MYOM2: variants seen among roughly 807,000 people sequenced by gnomAD.
The protein encoded by MYOM2 is myomesin-2.
MYOM2 carries 254 observed loss-of-function variants against 187.6 expected under a neutral mutation model. That is an observed-to-expected ratio of 1.35 (90% CI 1.22 to 1.50). The LOEUF (loss-of-function observed/expected upper bound fraction) is 1.50. MYOM2 is among the 40% of genes most tolerant of loss of function. The pLI, the probability that MYOM2 is intolerant of heterozygous loss-of-function variation, is 0.00. For missense variants in MYOM2, 2,796 were observed against 1,924.0 expected, an observed-to-expected ratio of 1.45 and a Z score of -8.48; for synonymous variants, 981 against 753.8, an observed-to-expected ratio of 1.30 and a Z score of -4.94.
rs570420669 is a variant in MYOM2, at chr8:2,078,194, A to G, written c.1263-540A>G. 1.2e-3 allele frequency among the ~76,000 whole-genome samples: 179 copies of G among 152,364 alleles called. 1 individual carries two copies. The highest frequency in any genetic ancestry group is 4.2e-3 in the African/African-American group (174 of 41,582). ...TTTTCAAAAGACTTCTAAATTCCACATGAGAGGCATTCTAGAAAGAAATGT... is the reference window on the plus strand; with the variant it reads ...TTTTCAAAAGACTTCTAAATTCCACGTGAGAGGCATTCTAGAAAGAAATGT... On this transcript the variant is annotated intron_variant, in intron 11 of 36. Coordinates refer to ENST00000262113, the MANE Select transcript of MYOM2 (RefSeq NM_003970.4).
intron 25 of MYOM2, among the ~76,000 whole-genome samples, chr8:2,111,163 G>T (rs1797057079): frequency 1.3e-5 from 2 of 152,138 alleles, no homozygotes; most frequent in South Asian, 4.2e-4. Context: ...TTTCAGGATG[G>T]GTGCCCTGGC....
intron 14 of MYOM2, among the ~76,000 whole-genome samples, chr8:2,085,655 TCGTGATCTCTGCGTGGCCC>T (rs1819842010): frequency 1.1e-4 from 1 of 8,736 alleles, no homozygotes. Flanking sequence ...CCCCCCACTG[TCGTGATCTCTGCGTGGCCC>T]CACTGTCGTG....
intron 19 of MYOM2, 60 bp downstream of exon 19, chr8:2,099,043 T>TC: frequency 6.6e-7 from 1 of 1,524,558 alleles, no homozygotes; most frequent in Non-Finnish European, 8.9e-7. Flanking sequence ...GGAAGGGGCC[T>TC]CTGTGGCTGC....
At chr8:2,099,690 G>T (rs1796617270) in intron 19 of MYOM2, among the ~76,000 whole-genome samples, 1 of 152,164 alleles carries the variant, frequency 6.6e-6, no homozygotes, top group South Asian at 2.1e-4. Flanking sequence ...GAGTAGCTGG[G>T]GCCACAGGTT....
chr8:2,106,747 G>C (rs1319076177), intron 23 of MYOM2, 150 bp downstream of exon 23: 2 of 593,060 alleles, frequency 3.4e-6, no homozygotes, highest in Middle Eastern at 4.4e-4. Context: ...GCCAAAACTT[G>C]CTTTAGAAAT....
chr8:2,085,186 C>G, intron 13 of MYOM2, 77 bp from the exon 14 acceptor site: 7 of 1,545,880 alleles, frequency 4.5e-6, no homozygotes, highest in Non-Finnish European at 6.1e-6. Flanking sequence ...GTGGCAGAGT[C>G]CTCCAGTGCC....
At chr8:2,111,628 C>T (rs1406552052) in intron 25 of MYOM2, among the ~76,000 whole-genome samples, 1 of 152,194 alleles carries the variant, frequency 6.6e-6, no homozygotes, top group African/African-American at 2.4e-5. Flanking sequence ...AATCCAAGGT[C>T]CACGGGACGG....
At chr8:2,135,115 C>T (rs557300661) in intron 32 of MYOM2, among the ~76,000 whole-genome samples, 2 of 152,186 alleles carry the variant, frequency 1.3e-5, no homozygotes, top group Non-Finnish European at 2.9e-5. Flanking sequence ...AAGCCTGGCT[C>T]TCACCTACTG....
chr8:2,055,677 G>C (rs566062689), intron 3 of MYOM2, among the ~76,000 whole-genome samples: 1 of 152,160 alleles, frequency 6.6e-6, no homozygotes, highest in Non-Finnish European at 1.5e-5. Flanking sequence ...CCTAACACCA[G>C]GCCTTAGTCT....
intron 11 of MYOM2, among the ~76,000 whole-genome samples, chr8:2,077,072 G>A (rs1363499715): frequency 6.6e-6 from 1 of 152,230 alleles, no homozygotes; most frequent in Non-Finnish European, 1.5e-5. Context: ...AGCACTTTGG[G>A]AGGCCAACGC....
intron 1 of MYOM2, among the ~76,000 whole-genome samples, chr8:2,049,749 C>T (rs73184800): frequency 0.034 from 5,153 of 152,290 alleles, 148 homozygotes; most frequent in Middle Eastern, 0.078. Context: ...ACGGTCCCTA[C>T]GTAACTTTGC....
intron 11 of MYOM2, chr8:2,076,612 G>A (rs985815953): frequency 4.0e-6 from 1 of 249,102 alleles, no homozygotes. Context: ...GCTGTGCCCC[G>A]TACCGGACAG....
intron 32 of MYOM2, among the ~76,000 whole-genome samples, chr8:2,129,923 C>T (rs986495425): frequency 2.0e-5 from 3 of 152,154 alleles, no homozygotes; most frequent in African/African-American, 7.2e-5. Flanking sequence ...ATAGATATCA[C>T]CGCAGATAAA....
intron 11 of MYOM2, 61 bp from the exon 12 acceptor site, chr8:2,078,672 TG>T: frequency 2.1e-6 from 3 of 1,433,496 alleles, no homozygotes; most frequent in Non-Finnish European, 2.9e-6. Context: ...CATATACCTA[TG>T]TATATTTAGT....
chr8:2,072,931 G>T (rs959760710), intron 9 of MYOM2, among the ~76,000 whole-genome samples: 1 of 152,184 alleles, frequency 6.6e-6, no homozygotes, highest in Non-Finnish European at 1.5e-5. Flanking sequence ...GATATGGAGG[G>T]TCTATGCTGG....
chr8:2,085,260 C>T lies in MYOM2; in HGVS notation c.1517-3C>T, dbSNP rs757298590. 2.5e-6 allele frequency: 4 copies of T among 1,613,724 alleles called. No homozygotes were observed. The highest frequency in any genetic ancestry group is 2.2e-5 in the South Asian group (2 of 91,050). ...GCACTCACCGAATTTATTATTCCTC[C>T]AGGTGACGCCCAGGTTCCAGGGCCT... On this transcript the variant is annotated splice_region_variant and splice_polypyrimidine_tract_variant and intron_variant, in intron 13 of 36. Transcript: ENST00000262113.
chr8:2,045,403 T>G (rs1190427834), intron 1 of MYOM2, among the ~76,000 whole-genome samples: 13 of 152,234 alleles, frequency 8.5e-5, no homozygotes, highest in Non-Finnish European at 1.6e-4. Context: ...CCGTGGTCTT[T>G]GCTAAGTGCC....
intron 25 of MYOM2, among the ~76,000 whole-genome samples, chr8:2,112,163 G>A (rs751325069): frequency 6.6e-6 from 1 of 152,172 alleles, no homozygotes; most frequent in African/African-American, 2.4e-5. Flanking sequence ...AGCAGGGACA[G>A]AACAGTCAGA....
intron 1 of MYOM2, among the ~76,000 whole-genome samples, chr8:2,048,750 T>A (rs114299321): frequency 6.6e-6 from 1 of 151,618 alleles, no homozygotes; most frequent in Admixed American, 6.6e-5. Flanking sequence ...GGAGGAGATA[T>A]GCTTTTATTT....
Sources: allele counts gnomAD v4.1 joint callset (sites outside exome capture counted in the v4.1 genomes callset), GRCh38; gene constraint gnomAD v4.1.1; transcripts MANE v1.5; gene names NCBI Gene and HGNC (gene_info 2026-07-23, HGNC 2026-07-21).